Variants in PIAS2 observed in about 807,000 individuals in gnomAD.
PIAS2 encodes E3 SUMO-protein ligase PIAS2.
In PIAS2, 19 loss-of-function variants were observed where a neutral mutation model predicts 69.7. The ratio of observed to expected loss-of-function variants is 0.27; its 90% CI spans 0.19 to 0.40. PIAS2 has a LOEUF of 0.40. PIAS2 is among the 10% of genes least tolerant of loss of function. PIAS2 has a pLI of 1.00. For synonymous variants in PIAS2, 261 were observed against 263.2 expected (o/e 0.99, Z 0.08); for missense variants, 624 against 757.0 (o/e 0.82, Z 2.06).
chr18:46,867,823 C>T (rs2049726738), intron 2 of PIAS2, among the ~76,000 whole-genome samples: 1 of 152,174 alleles, frequency 6.6e-6, no homozygotes, highest in African/African-American at 2.4e-5. Context: ...ATAGCATCAA[C>T]CAACAGTGTA....
chr18:46,828,850 C>G (rs2043180934), intron 10 of PIAS2, among the ~76,000 whole-genome samples: 1 of 152,256 alleles, frequency 6.6e-6, no homozygotes, highest in Middle Eastern at 3.4e-3. Flanking sequence ...AAATGAATGA[C>G]AGTTGATAAT....
chr18:46,857,967 T>C (rs2048084627), intron 3 of PIAS2, among the ~76,000 whole-genome samples: 1 of 152,216 alleles, frequency 6.6e-6, no homozygotes, highest in South Asian at 2.1e-4. Flanking sequence ...AATGCAATGA[T>C]GCCTTAACAG....
At chr18:46,898,578 C>T (rs2055267924) in intron 1 of PIAS2, among the ~76,000 whole-genome samples, 1 of 152,068 alleles carries the variant, frequency 6.6e-6, no homozygotes. Context: ...TTCCGTATAT[C>T]AAATACATTT....
At chr18:46,911,304 C>T (rs1421717167) in intron 1 of PIAS2, among the ~76,000 whole-genome samples, 1 of 151,776 alleles carries the variant, frequency 6.6e-6, no homozygotes, top group East Asian at 1.9e-4. Flanking sequence ...CAACCTCCAC[C>T]TCCCGGGTTC....
chr18:46,807,344 CAT>C lies in PIAS2; in HGVS notation c.*5087_*5088del, dbSNP rs1416885504. ...TAGCCATACGTAGGTGTTTCTGAAA[CAT>C]GTCAGATTTTATATATATATATATA... On this transcript the variant is annotated 3_prime_UTR_variant, in exon 14 of 14. Transcript: ENST00000585916. 8 of 89,152 alleles carry C rather than the reference CAT, an allele frequency of 9.0e-5. No homozygotes were observed. Among genetic ancestry groups the C allele is most frequent in the Non-Finnish European group, 1.2e-4 (6 of 48,608 alleles). The allele number at this position is 89,152 out of a possible 1,614,324, so 5.5% of individuals were successfully genotyped here.
intron 2 of PIAS2, among the ~76,000 whole-genome samples, chr18:46,870,160 G>A (rs140287397): frequency 1.6e-3 from 242 of 152,102 alleles, no homozygotes; most frequent in Non-Finnish European, 2.6e-3. Context: ...GCTCTAGTGT[G>A]AGACAGAACA....
At position 46,874,872 on chromosome 18, in the gene PIAS2, C is replaced by T. The variant is rs568919524; in HGVS notation, c.500-10624G>A. Among the ~76,000 whole-genome samples the T allele has an allele frequency of 6.6e-4, 101 of 152,156 alleles. 1 individual carries two copies. Among genetic ancestry groups the T allele is most frequent in the Middle Eastern group, 3.4e-3 (1 of 294 alleles). ...TCAAAAGCTGGAAAGAAGGAAAACG[C>T]GAACCAGCTTGGGAAGGACCCTATC... On this transcript the variant is annotated intron_variant, in intron 2 of 13. Coordinates refer to ENST00000585916, the MANE Select transcript of PIAS2 (RefSeq NM_004671.5).
At chr18:46,827,482 T>A (rs1374829784) in intron 11 of PIAS2, 2 of 152,370 alleles carry the variant, frequency 1.3e-5, no homozygotes, top group African/African-American at 4.8e-5. Context: ...TTCATCTCAT[T>A]AAAACCTGAA....
intron 1 of PIAS2, among the ~76,000 whole-genome samples, chr18:46,897,453 A>G (rs2055075648): frequency 6.6e-6 from 1 of 152,210 alleles, no homozygotes; most frequent in African/African-American, 2.4e-5. Context: ...ATCAAAAAGA[A>G]TAATAACTGC....
rs1373856648 is a variant in PIAS2 at position 46,813,988 on chromosome 18, C to T, written c.1686+1324G>A. On this transcript the variant is annotated intron_variant, in intron 13 of 13. Transcript: ENST00000585916. Reference sequence around the variant, plus strand: ...CTGGGGGGTAAATCTAGAACAAAGCCCAGAAACTTACATTTTATTCCTGCT... The same window carrying T: ...CTGGGGGGTAAATCTAGAACAAAGCTCAGAAACTTACATTTTATTCCTGCT... Among the ~76,000 whole-genome samples, 3 of 152,036 alleles carry T rather than the reference C, an allele frequency of 2.0e-5. No individual in the cohort carries two copies. In the South Asian group the frequency reaches 6.2e-4, roughly 32 times the overall value.
At chr18:46,879,541 G>A (rs965167439) in intron 2 of PIAS2, among the ~76,000 whole-genome samples, 2 of 152,064 alleles carry the variant, frequency 1.3e-5, no homozygotes, top group East Asian at 1.9e-4. Flanking sequence ...ATACGATCCC[G>A]CAATTTCACT....
chr18:46,810,046 A>G lies in PIAS2; in HGVS notation c.*2387T>C, dbSNP rs887389747. On this transcript the variant is annotated 3_prime_UTR_variant, in exon 14 of 14. Coordinates refer to ENST00000585916, the MANE Select transcript of PIAS2 (RefSeq NM_004671.5). ...TACTAATGCTCAAGACAGATAAACA[A>G]CGTAAGCCCCAATTTCAAGATGATA... is the stretch of plus-strand genomic sequence containing the variant. The G allele has an allele frequency of 6.6e-6, 1 of 152,086 alleles. No individual in the cohort carries two copies. The highest frequency in any genetic ancestry group is 1.5e-5 in the Non-Finnish European group (1 of 68,040). The allele number at this position is 152,086 out of a possible 1,614,324, so 9.4% of individuals were successfully genotyped here.
chr18:46,907,251 T>C (rs1008359468), intron 1 of PIAS2, among the ~76,000 whole-genome samples: 1 of 152,176 alleles, frequency 6.6e-6, no homozygotes, highest in South Asian at 2.1e-4. Flanking sequence ...TGTCCCAATA[T>C]AAAAATGAGT....
chr18:46,881,871 G>A (rs2052323590), intron 2 of PIAS2, among the ~76,000 whole-genome samples: 1 of 152,250 alleles, frequency 6.6e-6, no homozygotes, highest in African/African-American at 2.4e-5. Context: ...GGCCAAGGCA[G>A]GCAGATCACG....
Position 46,829,144 on chromosome 18 carries a change from A to T in PIAS2, c.1336+590T>A, listed in dbSNP as rs186587268. ...CAATGAGACTGTTAGATAAAAAGAA[A>T]CTCTAAGTTCACCTGTGCGTTTCAA... On this transcript the variant is annotated intron_variant, in intron 10 of 13. Coordinates refer to ENST00000585916, the MANE Select transcript of PIAS2 (RefSeq NM_004671.5). Among the ~76,000 whole-genome samples the T allele has an allele frequency of 4.8e-3, 727 of 152,210 alleles. 4 individuals carry two copies. The highest frequency in any genetic ancestry group is 7.3e-3 in the Non-Finnish European group (497 of 68,008).
intron 1 of PIAS2, among the ~76,000 whole-genome samples, chr18:46,904,886 T>A (rs896386703): frequency 6.6e-6 from 1 of 152,132 alleles, no homozygotes; most frequent in Non-Finnish European, 1.5e-5. Context: ...TTCTTTCATG[T>A]GCTAGTAATA....
rs201825192 is a variant in PIAS2 at position 46,807,376 on chromosome 18, TATATATA to T, written c.*5050_*5056del. On this transcript the variant is annotated 3_prime_UTR_variant, in exon 14 of 14. Coordinates refer to ENST00000585916, the MANE Select transcript of PIAS2 (RefSeq NM_004671.5). ...GATTTTATATATATATATATATATA[TATATATA>T]TTTTTTTTTTTTTTTTTTTTTTTTT... The T allele has an allele frequency of 2.1e-3, 65 of 31,590 alleles. No individual in the cohort carries two copies. The highest frequency in any genetic ancestry group is 0.011 in the African/African-American group (55 of 4,940). The allele number at this position is 31,590 out of a possible 1,614,324, so 2.0% of individuals were successfully genotyped here.
At chr18:46,894,880 GACC>G (rs1311445621) in intron 1 of PIAS2, among the ~76,000 whole-genome samples, 3 of 151,892 alleles carry the variant, frequency 2.0e-5, no homozygotes, top group Non-Finnish European at 4.4e-5. Flanking sequence ...AGACCAGCCT[GACC>G]AACACGGTGA....
chr18:46,816,718 T>A lies in PIAS2; in HGVS notation c.1649-1369A>T, dbSNP rs2041593281. 3.7e-6 allele frequency: 3 copies of A among 811,342 alleles called. No homozygotes were observed. In the African/African-American group the frequency reaches 5.6e-5, roughly 15 times the overall value. 50.3% of individuals were successfully genotyped at this position (811,342 alleles called of 1,614,324 possible). On this transcript the variant is annotated intron_variant, in intron 12 of 13. Coordinates refer to ENST00000585916, the MANE Select transcript of PIAS2 (RefSeq NM_004671.5). ...CCAGAGCTCAAGTGATCCTCCCGCC[T>A]CAGCCTCCCAAAGTGCTGGGATTAC...
Sources: gnomAD v4.1 joint callset for allele counts (sites outside exome capture counted in the v4.1 genomes callset) on GRCh38, gnomAD v4.1.1 for gene constraint, MANE v1.5 for transcripts, NCBI Gene and HGNC (gene_info 2026-07-23, HGNC 2026-07-21) for gene names.